RGS7: variants seen among roughly 807,000 people sequenced by gnomAD.
The protein encoded by RGS7 is regulator of G protein signaling 7, also known as regulator of G-protein signaling 7.
In RGS7, 27 loss-of-function variants were observed where a neutral mutation model predicts 81.1. The ratio of observed to expected loss-of-function variants is 0.33; its 90% CI spans 0.25 to 0.46. RGS7 has a LOEUF of 0.46. Among genes scored for constraint, RGS7 ranks in the 20% least tolerant of loss-of-function variants. The pLI, the probability that RGS7 is intolerant of heterozygous loss-of-function variation, is 1.00. For missense variants in RGS7, 396 were observed against 607.4 expected, an observed-to-expected ratio of 0.65 and a Z score of 3.66; for synonymous variants, 208 against 207.7, an observed-to-expected ratio of 1.00 and a Z score of -0.01.
chr1:241,201,579 T>C (rs1327116638), intron 2 of RGS7, among the ~76,000 whole-genome samples: 2 of 152,164 alleles, frequency 1.3e-5, no homozygotes, highest in Non-Finnish European at 2.9e-5. Context: ...GCCTTCACAA[T>C]CAGAATAAAT....
In RGS7 at chr1:241,091,999, G is replaced by A. The variant is rs61832550; in HGVS notation, c.175+6667C>T. Among the ~76,000 whole-genome samples the A allele has an allele frequency of 9.7e-3, 1,478 of 152,144 alleles. 14 individuals carry two copies. Among genetic ancestry groups the A allele is most frequent in the Non-Finnish European group, 0.017 (1,131 of 67,996 alleles). ...AAAATATTAAAAAAGCAATTATTCC[G>A]GTCATCAGGGTTTAAAGCCTATTTA... is the stretch of plus-strand genomic sequence containing the variant. On this transcript the variant is annotated intron_variant, in intron 3 of 18. Coordinates refer to ENST00000440928, the MANE Select transcript of RGS7 (RefSeq NM_001364886.1).
chr1:240,804,613 C>A (rs576027150), intron 15 of RGS7, among the ~76,000 whole-genome samples: 2 of 152,118 alleles, frequency 1.3e-5, no homozygotes, highest in South Asian at 4.1e-4. Context: ...AAAAAAAATT[C>A]TATTTTAAAC....
chr1:240,775,392 G>C (rs1387251773), downstream of RGS7: 4 of 152,138 alleles, frequency 2.6e-5, no homozygotes, highest in Non-Finnish European at 5.9e-5. Context: ...ATCCAAGCTT[G>C]TCTTGAAACC....
chr1:240,811,712 C>T (rs767749699), intron 14 of RGS7, among the ~76,000 whole-genome samples: 38 of 152,136 alleles, frequency 2.5e-4, no homozygotes, highest in Non-Finnish European at 4.3e-4. Flanking sequence ...ACAGAGACGG[C>T]GTAAAAATAA....
At chr1:241,101,395 C>A (rs1210948182) in intron 2 of RGS7, among the ~76,000 whole-genome samples, 3 of 152,062 alleles carry the variant, frequency 2.0e-5, no homozygotes, top group Admixed American at 6.6e-5. Flanking sequence ...ACTCGGGAGG[C>A]TGAGGCAGGA....
chr1:240,923,383 G>GT (rs1471320663), intron 6 of RGS7, among the ~76,000 whole-genome samples: 3 of 151,994 alleles, frequency 2.0e-5, no homozygotes, highest in African/African-American at 7.2e-5. Flanking sequence ...CTATATTATG[G>GT]TAAGTTTTTA....
intron 2 of RGS7, among the ~76,000 whole-genome samples, chr1:241,161,664 T>C (rs2069683618): frequency 6.6e-6 from 1 of 151,024 alleles, no homozygotes; most frequent in Non-Finnish European, 1.5e-5. Flanking sequence ...TAACATTGTA[T>C]GTATACATGT....
chr1:241,097,831 G>A (rs1489051511), intron 3 of RGS7, among the ~76,000 whole-genome samples: 1 of 152,046 alleles, frequency 6.6e-6, no homozygotes, highest in East Asian at 1.9e-4. Flanking sequence ...TCCTCATTTT[G>A]GATAATGATT....
chr1:241,091,477 G>A (rs1052446894), intron 3 of RGS7, among the ~76,000 whole-genome samples: 19 of 150,944 alleles, frequency 1.3e-4, no homozygotes, highest in African/African-American at 4.6e-4. Context: ...GAACCCAGGA[G>A]GCGGAGCTTG....
chr1:240,923,519 C>T (rs979974244), intron 6 of RGS7, among the ~76,000 whole-genome samples: 7 of 151,964 alleles, frequency 4.6e-5, no homozygotes, highest in Admixed American at 1.3e-4. Flanking sequence ...TAAAACTCTG[C>T]TCCCTAGAAC....
At chr1:240,910,539 C>T (rs901515392) in intron 6 of RGS7, among the ~76,000 whole-genome samples, 1 of 152,060 alleles carries the variant, frequency 6.6e-6, no homozygotes, top group Non-Finnish European at 1.5e-5. Flanking sequence ...TGTAACATGA[C>T]TATAGTTAAC....
intron 2 of RGS7, among the ~76,000 whole-genome samples, chr1:241,203,928 T>A (rs2073699545): frequency 6.6e-6 from 1 of 152,176 alleles, no homozygotes; most frequent in Non-Finnish European, 1.5e-5. Context: ...AGGAAGTTAA[T>A]CAGAAACAGT....
intron 2 of RGS7, among the ~76,000 whole-genome samples, chr1:241,157,152 T>C (rs972205515): frequency 6.6e-6 from 1 of 152,190 alleles, no homozygotes; most frequent in Non-Finnish European, 1.5e-5. Flanking sequence ...TTCACTTTTA[T>C]TAGTGCAATT....
At chr1:240,889,585 C>T (rs543061493) in intron 6 of RGS7, among the ~76,000 whole-genome samples, 1 of 152,164 alleles carries the variant, frequency 6.6e-6, no homozygotes, top group African/African-American at 2.4e-5. Flanking sequence ...TTCTAGGAGG[C>T]GACTGGATGG....
chr1:241,153,241 T>C (rs1297593358), intron 2 of RGS7, among the ~76,000 whole-genome samples: 1 of 151,540 alleles, frequency 6.6e-6, no homozygotes, highest in Non-Finnish European at 1.5e-5. Flanking sequence ...AGAGTCACAT[T>C]AGAAGTGGTG....
chr1:240,881,703 T>A (rs907298954), intron 6 of RGS7, among the ~76,000 whole-genome samples: 1 of 152,138 alleles, frequency 6.6e-6, no homozygotes, highest in Non-Finnish European at 1.5e-5. Flanking sequence ...ATTTATTAAG[T>A]GCAAGGGAAA....
chr1:241,030,357 A>G, intron 3 of RGS7, among the ~76,000 whole-genome samples: 1 of 74,216 alleles, frequency 1.3e-5, no homozygotes, highest in Non-Finnish European at 3.1e-5. Context: ...TCCAGAACTT[A>G]TAGCATATAT....
chr1:240,919,744 G>A (rs1673191709), intron 6 of RGS7: 1 of 640,876 alleles, frequency 1.6e-6, no homozygotes, highest in Non-Finnish European at 2.8e-6. Flanking sequence ...AGCCTGAGGG[G>A]CCATTTTCAG....
intron 5 of RGS7, among the ~76,000 whole-genome samples, chr1:240,932,582 C>T (rs1159086574): frequency 2.8e-5 from 4 of 143,856 alleles, no homozygotes; most frequent in Non-Finnish European, 6.0e-5. Flanking sequence ...GGTCTCAGCT[C>T]GCTGCAAGCT....
Sources: gnomAD v4.1 joint callset for allele counts (sites outside exome capture counted in the v4.1 genomes callset) on GRCh38, gnomAD v4.1.1 for gene constraint, MANE v1.5 for transcripts, NCBI Gene and HGNC (gene_info 2026-07-23, HGNC 2026-07-21) for gene names.